WWOX: variants seen among roughly 807,000 people sequenced by gnomAD.
WWOX encodes the protein WW domain-containing oxidoreductase.
In WWOX, 69 loss-of-function variants were observed where a neutral mutation model predicts 46.2. That is an observed-to-expected ratio of 1.49 (90% CI 1.23 to 1.82). The LOEUF (loss-of-function observed/expected upper bound fraction) is 1.82. Ranked by LOEUF, WWOX falls within the 40% of genes most tolerant of loss-of-function variation. WWOX has a pLI of 0.00. For missense variants in WWOX, 919 were observed against 542.6 expected (o/e 1.69, Z -6.89); for synonymous variants, 359 against 202.6 (o/e 1.77, Z -6.56).
rs1331836841 is a variant in WWOX, at chr16:78,422,669, A to G, written c.606-2201A>G. 6.2e-5 allele frequency among the ~76,000 whole-genome samples: 4 copies of G among 64,592 alleles called. 1 individual carries two copies. Among genetic ancestry groups the G allele is most frequent in the Admixed American group, 5.9e-4 (3 of 5,124 alleles). 42.4% of individuals were successfully genotyped at this position (64,592 alleles called of 152,430 possible). ...CCTCCTGTTTTTTTTACATGTATAT[A>G]TATATATATATATATACACACACAC... On this transcript the variant is annotated intron_variant, in intron 6 of 8. Transcript: ENST00000566780.
chr16:78,512,911 T>C (rs1216373795), intron 8 of WWOX, among the ~76,000 whole-genome samples: 1 of 152,204 alleles, frequency 6.6e-6, no homozygotes, highest in Non-Finnish European at 1.5e-5. Flanking sequence ...AGTCTTACTT[T>C]TCAGGCAGTC....
intron 4 of WWOX, among the ~76,000 whole-genome samples, chr16:78,149,237 A>C (rs916931836): frequency 1.3e-5 from 2 of 152,212 alleles, no homozygotes; most frequent in African/African-American, 4.8e-5. Context: ...AAAAAAATTG[A>C]GTATAACTTG....
intron 8 of WWOX, among the ~76,000 whole-genome samples, chr16:79,210,345 A>T (rs1239043468): frequency 6.6e-6 from 1 of 152,134 alleles, no homozygotes; most frequent in African/African-American, 2.4e-5. Flanking sequence ...TCTCCCAGGG[A>T]TCCTAGAATG....
intron 8 of WWOX, among the ~76,000 whole-genome samples, chr16:78,462,908 G>A (rs1421409749): frequency 4.6e-5 from 7 of 152,186 alleles, no homozygotes; most frequent in Non-Finnish European, 8.8e-5. Context: ...TGGGCACGCT[G>A]TTCACCCCTT....
intron 8 of WWOX, among the ~76,000 whole-genome samples, chr16:78,515,656 C>A (rs913733644): frequency 6.6e-6 from 1 of 152,158 alleles, no homozygotes; most frequent in Non-Finnish European, 1.5e-5. Context: ...GCTTTCTTGC[C>A]GGCCTCTCCT....
At chr16:78,559,622 G>C (rs987808978) in intron 8 of WWOX, among the ~76,000 whole-genome samples, 3 of 152,190 alleles carry the variant, frequency 2.0e-5, no homozygotes, top group African/African-American at 7.2e-5. Context: ...ATGGCCACTG[G>C]CTTCATTTTT....
intron 1 of WWOX, among the ~76,000 whole-genome samples, chr16:78,108,159 C>T (rs1450451889): frequency 6.6e-6 from 1 of 151,330 alleles, no homozygotes; most frequent in African/African-American, 2.4e-5. Context: ...ATCTCCTGAC[C>T]TTGTGATCTG....
At chr16:79,031,806 A>G (rs1205917250) in intron 8 of WWOX, among the ~76,000 whole-genome samples, 4 of 136,960 alleles carry the variant, frequency 2.9e-5, no homozygotes, top group African/African-American at 5.1e-5. Flanking sequence ...ATAGATATCT[A>G]TATAATATAT....
At chr16:78,314,548 G>C (rs2080316282) in intron 5 of WWOX, among the ~76,000 whole-genome samples, 1 of 146,622 alleles carries the variant, frequency 6.8e-6, no homozygotes, top group Admixed American at 6.8e-5. Context: ...TTTTGAGTCG[G>C]AGTTTTGCTC....
chr16:78,645,828 G>T (rs915923494), intron 8 of WWOX, among the ~76,000 whole-genome samples: 9 of 152,148 alleles, frequency 5.9e-5, no homozygotes, highest in African/African-American at 2.2e-4. Flanking sequence ...AAATCAAGGT[G>T]TTGGCAGGGC....
intron 8 of WWOX, among the ~76,000 whole-genome samples, chr16:78,498,635 G>A (rs960691606): frequency 1.3e-5 from 2 of 152,180 alleles, no homozygotes; most frequent in Admixed American, 6.5e-5. Context: ...GGACATTGTT[G>A]TTTCACTAAT....
chr16:78,554,979 G>C (rs547985075), intron 8 of WWOX, among the ~76,000 whole-genome samples: 5 of 152,188 alleles, frequency 3.3e-5, no homozygotes, highest in Non-Finnish European at 7.4e-5. Flanking sequence ...AAGAAGAAAA[G>C]GGGCCCGGAT....
At chr16:78,581,737 A>C (rs1305580211) in intron 8 of WWOX, among the ~76,000 whole-genome samples, 3 of 152,160 alleles carry the variant, frequency 2.0e-5, no homozygotes, top group Non-Finnish European at 4.4e-5. Flanking sequence ...TGTCAGGAAA[A>C]TTATCTCTTG....
intron 8 of WWOX, among the ~76,000 whole-genome samples, chr16:78,773,846 C>T (rs925344255): frequency 6.6e-5 from 10 of 152,142 alleles, no homozygotes; most frequent in African/African-American, 1.4e-4. Context: ...GGCTGCAAAA[C>T]GATTATTGTA....
At chr16:78,603,868 A>G (rs932110252) in intron 8 of WWOX, among the ~76,000 whole-genome samples, 1 of 152,162 alleles carries the variant, frequency 6.6e-6, no homozygotes, top group Non-Finnish European at 1.5e-5. Flanking sequence ...GCTGGCTGAC[A>G]TAGTGGCTCA....
intron 8 of WWOX, among the ~76,000 whole-genome samples, chr16:78,668,201 A>G (rs531846147): frequency 1.3e-5 from 2 of 152,148 alleles, no homozygotes; most frequent in South Asian, 2.1e-4. Context: ...AACCACTGGA[A>G]CCTGGGAAGC....
At chr16:78,594,433 C>T (rs1439400838) in intron 8 of WWOX, among the ~76,000 whole-genome samples, 1 of 53,194 alleles carries the variant, frequency 1.9e-5, no homozygotes, top group Non-Finnish European at 3.9e-5. Context: ...GGAAAGGCCC[C>T]CCCCCCCCCC....
chr16:78,386,686 A>G (rs140989116), intron 5 of WWOX, among the ~76,000 whole-genome samples, 174 bp from the exon 6 acceptor site: 292 of 85,192 alleles, frequency 3.4e-3, no homozygotes, highest in African/African-American at 0.013. Context: ...TCCTCCCCGA[A>G]CTTGGCAGTA....
At chr16:79,050,716 T>A (rs1192734207) in intron 8 of WWOX, among the ~76,000 whole-genome samples, 1 of 151,950 alleles carries the variant, frequency 6.6e-6, no homozygotes. Flanking sequence ...GCGAAATGAA[T>A]GGGGCTACAT....
Sources: gnomAD v4.1 joint callset for allele counts (sites outside exome capture counted in the v4.1 genomes callset) on GRCh38, gnomAD v4.1.1 for gene constraint, MANE v1.5 for transcripts, NCBI Gene and HGNC (gene_info 2026-07-23, HGNC 2026-07-21) for gene names.